Variants in GSG1L observed in about 807,000 individuals in gnomAD.
GSG1L encodes the protein GSG1 like, also known as germ cell-specific gene 1-like protein.
GSG1L carries 24 observed loss-of-function variants against 42.1 expected under a neutral mutation model. That is an observed-to-expected ratio of 0.57 (90% confidence interval 0.41 to 0.80). The LOEUF is 0.80. GSG1L is among the 30% of genes least tolerant of loss of function. The probability of loss-of-function intolerance (pLI) is 0.00; values close to 1 mark genes in which losing one functional copy is unlikely to be tolerated. For missense variants in GSG1L, 445 were observed against 472.2 expected, an observed-to-expected ratio of 0.94 and a Z score of 0.53; for synonymous variants, 215 against 203.5, an observed-to-expected ratio of 1.06 and a Z score of -0.48.
At position 27,840,209 on chromosome 16, in the gene GSG1L, T is replaced by A. The variant is rs978639153; in HGVS notation, c.662+4741A>T. 6.6e-5 allele frequency among the ~76,000 whole-genome samples: 10 copies of A among 152,016 alleles called. 1 individual carries two copies. Among genetic ancestry groups the A allele is most frequent in the Admixed American group, 6.5e-4 (10 of 15,274 alleles). ...CACAGCCAGCTAATTATTTTTATTTTTTATTGTTTTAGAGATTGGGTCTGG... is the reference window on the plus strand; with the variant it reads ...CACAGCCAGCTAATTATTTTTATTTATTATTGTTTTAGAGATTGGGTCTGG... On this transcript the variant is annotated intron_variant, in intron 4 of 6. Coordinates refer to ENST00000447459, the MANE Select transcript of GSG1L (RefSeq NM_001109763.2).
chr16:27,814,392 G>A (rs1427648896), intron 5 of GSG1L, among the ~76,000 whole-genome samples: 5 of 152,262 alleles, frequency 3.3e-5, no homozygotes, highest in African/African-American at 4.8e-5. Context: ...GATTACAGGC[G>A]TGAGCCACTG....
At chr16:27,821,006 G>C (rs900546367) in intron 5 of GSG1L, among the ~76,000 whole-genome samples, 1 of 152,108 alleles carries the variant, frequency 6.6e-6, no homozygotes, top group Admixed American at 6.5e-5. Context: ...ACCCACTGCC[G>C]ATCTGTCTGG....
chr16:27,975,090 C>A (rs140841142), intron 1 of GSG1L, among the ~76,000 whole-genome samples: 1 of 152,096 alleles, frequency 6.6e-6, no homozygotes, highest in South Asian at 2.1e-4. Context: ...ACTTGAGAAT[C>A]GGTCTTTCCA....
chr16:28,048,036 T>C (rs537204897), intron 1 of GSG1L, among the ~76,000 whole-genome samples: 101 of 143,518 alleles, frequency 7.0e-4, no homozygotes, highest in African/African-American at 2.4e-3. Flanking sequence ...CTGGGCAACA[T>C]AGTAACACCT....
At chr16:27,888,317 C>A (rs917453562) in intron 2 of GSG1L, among the ~76,000 whole-genome samples, 1 of 152,196 alleles carries the variant, frequency 6.6e-6, no homozygotes. Context: ...GGGGATGCTC[C>A]GGAAGTAACT....
At position 27,828,793 on chromosome 16, in the gene GSG1L, C is replaced by T; in HGVS notation, c.826G>A (p.Glu276Lys). The T allele has an allele frequency of 6.2e-7, 1 of 1,613,818 alleles. No individual in the cohort carries two copies. The highest frequency in any genetic ancestry group is 8.5e-7 in the Non-Finnish European group (1 of 1,179,790). The part of the protein sequence containing the change: ...IDPEAIKYFR[E>K]RMEKRDGSEE... ...GGTAACCCCCTGTGCACTGACCTCT[C>T]CCGGAAGTACTTGATGGCCTCAGGG... Residue 276 changes from glutamate (E) to lysine (K), a missense_variant, in exon 5 of 7, where the codon GAG (glutamate) becomes AAG (lysine). By Grantham distance (56) the Glu-to-Lys change is moderately conservative (BLOSUM62 1). This residue lies in a region of GSG1L where 140 missense variants were observed against 120.6 expected (regional missense o/e 1.16). Transcript: ENST00000447459.
At position 28,063,335 on chromosome 16, in the gene GSG1L, C is replaced by A; in HGVS notation, c.90G>T (p.Thr30=). ...CCCGCTGCGTGCCCTGGCACCAGTG[C>A]GTGGTGAGGAAAGCGGTGGTGGCGA... ...LLFATTAFLT[T]HWCQGTQRVP... is the part of the protein sequence containing the mutation. Residue 30 remains threonine, a synonymous_variant, in exon 1 of 7, where the codon ACG becomes ACT. Transcript: ENST00000447459. This position sits in a 1 kb window ranked among gnomAD's most constrained non-coding sequence, Gnocchi z 5.8. 2.8e-6 allele frequency: 4 copies of A among 1,403,818 alleles called. No homozygotes were observed. Among genetic ancestry groups the A allele is most frequent in the Non-Finnish European group, 2.8e-6 (3 of 1,071,832 alleles). The allele number at this position is 1,403,818 out of a possible 1,614,324, so 87.0% of individuals were successfully genotyped here. A position where few individuals can be genotyped will look rare whatever the true frequency, so the allele number is the denominator to read the frequency against.
In GSG1L at chr16:27,845,061, C is replaced by T; in HGVS notation, c.551G>A (p.Gly184Asp). The change falls in exon 4 of 7, where the codon GGC becomes GAC. Residue 184 changes from glycine to aspartate, a missense_variant and splice_region_variant. Gly to Asp is a moderately conservative substitution (Grantham distance 94). This residue lies in a region of GSG1L where 149 missense variants were observed against 223.3 expected (regional missense o/e 0.67). Transcript: ENST00000447459. ...CATGTGGGCGACCATTCCCAGGAGGCCTGTGGGGCAGAGAGCAGAGCAAAG... is the reference window on the plus strand; with the variant it reads ...CATGTGGGCGACCATTCCCAGGAGGTCTGTGGGGCAGAGAGCAGAGCAAAG... ...AFAAVFTVLS[G>D]LLGMVAHMMY... is the part of the protein sequence containing the mutation. 6.2e-7 allele frequency: 1 copy of T among 1,609,184 alleles called. No homozygotes were observed. Among genetic ancestry groups the T allele is most frequent in the Non-Finnish European group, 8.5e-7 (1 of 1,176,174 alleles).
At chr16:27,916,444 T>A (rs1485522291) in intron 2 of GSG1L, among the ~76,000 whole-genome samples, 1 of 151,546 alleles carries the variant, frequency 6.6e-6, no homozygotes, top group Non-Finnish European at 1.5e-5. Flanking sequence ...GCCTCCCAAG[T>A]AGTTGGGTTG....
At chr16:27,888,478 C>T (rs868721201) in intron 2 of GSG1L, among the ~76,000 whole-genome samples, 7 of 24,752 alleles carry the variant, frequency 2.8e-4, no homozygotes, top group South Asian at 1.8e-3. Flanking sequence ...CTCTCTCTCT[C>T]TTTCCTTTCT....
At chr16:27,984,524 A>C (rs1308655247) in intron 1 of GSG1L, among the ~76,000 whole-genome samples, 1 of 152,124 alleles carries the variant, frequency 6.6e-6, no homozygotes, top group African/African-American at 2.4e-5. Context: ...GCAAAAGTAA[A>C]ATGGCTTGAG....
intron 5 of GSG1L, among the ~76,000 whole-genome samples, chr16:27,817,717 G>GA (rs1033726446): frequency 1.4e-4 from 21 of 152,048 alleles, no homozygotes; most frequent in Admixed American, 2.6e-4. Flanking sequence ...AAAATGAAAT[G>GA]AAAAAAATGC....
chr16:27,897,196 T>C (rs958676152), intron 2 of GSG1L, among the ~76,000 whole-genome samples: 15 of 152,254 alleles, frequency 9.9e-5, no homozygotes, highest in Non-Finnish European at 1.9e-4. Context: ...CTTGGAATTC[T>C]GACCTCAAGA....
intron 2 of GSG1L, among the ~76,000 whole-genome samples, chr16:27,940,060 C>G (rs2084769960): frequency 6.6e-6 from 1 of 152,098 alleles, no homozygotes; most frequent in Non-Finnish European, 1.5e-5. Flanking sequence ...ACAGACACTT[C>G]TCAAAAGAAG....
chr16:27,902,056 C>A (rs1298575709), intron 2 of GSG1L, among the ~76,000 whole-genome samples: 1 of 152,202 alleles, frequency 6.6e-6, no homozygotes, highest in Non-Finnish European at 1.5e-5. Flanking sequence ...ATTGTACTAT[C>A]CCCTCTGCCC....
chr16:27,838,369 G>A (rs1007972485), intron 4 of GSG1L, among the ~76,000 whole-genome samples: 5 of 152,086 alleles, frequency 3.3e-5, no homozygotes, highest in Admixed American at 6.6e-5. Flanking sequence ...GGGCCCCAAC[G>A]CACCCACAAA....
intron 1 of GSG1L, among the ~76,000 whole-genome samples, chr16:28,032,486 G>T (rs1280298478): frequency 6.6e-6 from 1 of 152,234 alleles, no homozygotes; most frequent in Non-Finnish European, 1.5e-5. Flanking sequence ...CCATCCTGGG[G>T]CTGGCGGCTT....
At chr16:27,977,090 A>C (rs925503839) in intron 1 of GSG1L, among the ~76,000 whole-genome samples, 1 of 152,172 alleles carries the variant, frequency 6.6e-6, no homozygotes, top group Non-Finnish European at 1.5e-5. Flanking sequence ...CCCCACGCAA[A>C]GGACTTGGCG....
At chr16:27,862,587 C>T (rs2083667495) in intron 3 of GSG1L, among the ~76,000 whole-genome samples, 1 of 152,242 alleles carries the variant, frequency 6.6e-6, no homozygotes, top group African/African-American at 2.4e-5. Flanking sequence ...GCAGTGGGCT[C>T]TGGGTCAGGC....
Sources: allele counts gnomAD v4.1 joint callset (sites outside exome capture counted in the v4.1 genomes callset), GRCh38; gene constraint gnomAD v4.1.1; regional missense constraint gnomAD v4.1.1; non-coding constraint Gnocchi (gnomAD v3.1); transcripts MANE v1.5; gene names NCBI Gene and HGNC (gene_info 2026-07-23, HGNC 2026-07-21).